AHCY: variants seen among roughly 807,000 people sequenced by gnomAD.
AHCY encodes the protein S-adenosyl-L-homocysteine hydrolase.
A neutral mutation model predicts 45.4 loss-of-function variants in AHCY; 24 were observed. The ratio of observed to expected loss-of-function variants is 0.53; its 90% confidence interval spans 0.38 to 0.74. The LOEUF (loss-of-function observed/expected upper bound fraction) is 0.74. Ranked by LOEUF, AHCY falls within the 30% of genes least tolerant of loss-of-function variation. AHCY has a pLI of 0.00. For synonymous variants in AHCY, 245 were observed against 235.1 expected (o/e 1.04, Z -0.39); for missense variants, 449 against 594.1 (o/e 0.76, Z 2.54).
chr20:34,268,920 C>T, the AHCY span: 1 of 1,526,950 alleles, frequency 6.5e-7, no homozygotes, highest in East Asian at 2.5e-5. Flanking sequence ...GCCCGAGGAG[C>T]TCCCAGGCAG....
chr20:34,270,682 C>T, the AHCY span, among the ~76,000 whole-genome samples: 1 of 152,180 alleles, frequency 6.6e-6, no homozygotes, highest in East Asian at 1.9e-4. Flanking sequence ...TAGTGTGTGC[C>T]AGGTGCTGTG....
the AHCY span, among the ~76,000 whole-genome samples, chr20:34,244,908 A>G: frequency 5.3e-5 from 8 of 152,240 alleles, no homozygotes; most frequent in African/African-American, 1.9e-4. Flanking sequence ...TCAATGAAGC[A>G]AGGAGACGTA....
At chr20:34,245,131 C>T in the AHCY span, among the ~76,000 whole-genome samples, 4 of 151,722 alleles carry the variant, frequency 2.6e-5, no homozygotes, top group African/African-American at 9.7e-5. Context: ...GTCAGGAGTT[C>T]GAGACCAGCC....
chr20:34,243,942 GTAGTCCCA>G, the AHCY span, among the ~76,000 whole-genome samples: 1 of 152,106 alleles, frequency 6.6e-6, no homozygotes, highest in Non-Finnish European at 1.5e-5. Flanking sequence ...GCGGGCGCCT[GTAGTCCCA>G]GCTACTCAGG....
chr20:34,291,441 T>C lies in AHCY; in HGVS notation c.536A>G (p.Asn179Ser). Residue 179 changes from asparagine (N) to serine (S), a missense_variant, in exon 5 of 10, where the codon AAT (asparagine) becomes AGT (serine). Coordinates refer to ENST00000217426, the MANE Select transcript of AHCY (RefSeq NM_000687.4). ...CACCTTGGTGACGGAGTCATTGACATTGATGGCAGGCACCTTGAGGATCCC... is the reference window on the plus strand; with the variant it reads ...CACCTTGGTGACGGAGTCATTGACACTGATGGCAGGCACCTTGAGGATCCC... ...ANGILKVPAINVNDSVTKSKF... is the reference protein window; with the variant it reads ...ANGILKVPAISVNDSVTKSKF... 6.2e-7 allele frequency: 1 copy of C among 1,614,118 alleles called. No homozygotes were observed. Among genetic ancestry groups the C allele is most frequent in the Non-Finnish European group, 8.5e-7 (1 of 1,180,014 alleles).
At chr20:34,235,766 C>T in the AHCY span, among the ~76,000 whole-genome samples, 2 of 140,488 alleles carry the variant, frequency 1.4e-5, no homozygotes, top group East Asian at 4.2e-4. Context: ...GCCTGTGTGA[C>T]AGAGTGAGAC....
At position 34,292,372 on chromosome 20, in the gene AHCY, G is replaced by A. The variant is rs556286156; in HGVS notation, c.431C>T (p.Pro144Leu). 32 of 1,613,328 alleles carry A rather than the reference G, an allele frequency of 2.0e-5. No homozygotes were observed. The highest frequency in any genetic ancestry group is 3.7e-4 in the Middle Eastern group (2 of 5,422). The part of the protein sequence containing the change: ...DLTNLIHTKY[P>L]QLLPGIRGIS... Reference sequence around the variant, plus strand: ...GCCCTGCTCACCTGGCAGAAGCTGCGGGTACTTGGTGTGGATGAGGTTGGT... The same window carrying A: ...GCCCTGCTCACCTGGCAGAAGCTGCAGGTACTTGGTGTGGATGAGGTTGGT... Residue 144 changes from proline (P) to leucine (L), a missense_variant, in exon 4 of 10, where the codon CCG (proline) becomes CTG (leucine). Pro to Leu is a moderately conservative substitution (Grantham distance 98, BLOSUM62 -3). Coordinates refer to ENST00000217426, the MANE Select transcript of AHCY (RefSeq NM_000687.4).
chr20:34,303,303 G>C lies in AHCY; in HGVS notation c.-33C>G, dbSNP rs986133318. 11 of 1,551,626 alleles carry C rather than the reference G, an allele frequency of 7.1e-6. No individual in the cohort carries two copies. The highest frequency in any genetic ancestry group is 2.7e-5 in the African/African-American group (2 of 73,072). ...GCACTCGTGATGGAAACGGGCGAAG[G>C]GGGCTGGGCCTCAGTCTGGGAACAG... is the stretch of plus-strand genomic sequence containing the variant. On this transcript the variant is annotated 5_prime_UTR_variant, in exon 1 of 10. Coordinates refer to ENST00000217426, the MANE Select transcript of AHCY (RefSeq NM_000687.4).
chr20:34,284,293 G>A, intron 9 of AHCY, among the ~76,000 whole-genome samples: 1 of 152,020 alleles, frequency 6.6e-6, no homozygotes, highest in East Asian at 1.9e-4. Context: ...CCAAGTACCT[G>A]GGACTACAGG....
the AHCY span, chr20:34,260,436 AC>A: frequency 6.2e-7 from 1 of 1,613,920 alleles, no homozygotes; most frequent in African/African-American, 1.3e-5. Flanking sequence ...TTCACTGCCA[AC>A]AGCCACCTGC....
At chr20:34,276,477 T>C (rs886536183), downstream of AHCY, among the ~76,000 whole-genome samples, 2 of 152,104 alleles carry the variant, frequency 1.3e-5, no homozygotes, top group African/African-American at 4.8e-5. Flanking sequence ...TTTCTCTCCC[T>C]GGTAATAGGG....
At chr20:34,241,627 G>A in the AHCY span, 9 of 743,938 alleles carry the variant, frequency 1.2e-5, no homozygotes, top group South Asian at 4.9e-4. Context: ...GTGGGTCAGA[G>A]TAGTTAAGAG....
intron 5 of AHCY, 64 bp downstream of exon 5, chr20:34,291,355 C>G: frequency 6.8e-7 from 1 of 1,467,320 alleles, no homozygotes; most frequent in Middle Eastern, 2.3e-4. Flanking sequence ...GGGCACTCTT[C>G]TTCAGAGGCC....
At chr20:34,245,915 C>G in the AHCY span, 2 of 1,480,346 alleles carry the variant, frequency 1.4e-6, no homozygotes, top group Non-Finnish European at 1.8e-6. Context: ...CATATCAACT[C>G]TCAGTTCAGG....
rs547291287 is a variant in AHCY, at chr20:34,293,941, G to A, written c.295+140C>T. 35 of 837,082 alleles carry A rather than the reference G, an allele frequency of 4.2e-5. No homozygotes were observed. The South Asian group carries it at 4.8e-4, about 11-fold the overall frequency. 51.9% of individuals were successfully genotyped at this position (837,082 alleles called of 1,614,324 possible). On this transcript the variant is annotated intron_variant, in intron 3 of 9. Coordinates refer to ENST00000217426, the MANE Select transcript of AHCY (RefSeq NM_000687.4). ...GGGACAAAGCAGCTCTTTCCTGTGG[G>A]GTCGCTGGGCTAGGATTTTGTGGCG...
the AHCY span, among the ~76,000 whole-genome samples, chr20:34,236,120 A>C: frequency 6.7e-6 from 1 of 148,226 alleles, no homozygotes; most frequent in South Asian, 2.2e-4. Context: ...AAAGGAAAGG[A>C]GTGGAAAGGA....
the AHCY span, among the ~76,000 whole-genome samples, chr20:34,251,526 G>A: frequency 5.9e-5 from 9 of 152,058 alleles, no homozygotes; most frequent in South Asian, 6.2e-4. Flanking sequence ...CGTCCGCCTC[G>A]GCCTCCCAAA....
chr20:34,255,185 T>C, the AHCY span, among the ~76,000 whole-genome samples: 1 of 152,200 alleles, frequency 6.6e-6, no homozygotes, highest in African/African-American at 2.4e-5. Context: ...TCCAGTCCCA[T>C]GGATATTGGC....
Position 34,290,355 on chromosome 20 carries a change from C to A in AHCY, c.949G>T (p.Glu317Ter). ...DVKWLNENAV[E>*]KVNIKPQVDR... ...ACCTGCGGCTTGATGTTCACCTTCTCCACGGCGTTCTCGTTGAGCCACTTG... is the reference window on the plus strand; with the variant it reads ...ACCTGCGGCTTGATGTTCACCTTCTACACGGCGTTCTCGTTGAGCCACTTG... The change falls in exon 8 of 10, where the codon GAG becomes TAG. Residue 317 changes from glutamate (E) to a stop codon, truncating the protein, a stop_gained. Transcript: ENST00000217426. LOFTEE classifies it high-confidence loss of function. This position sits in a 1 kb window ranked among gnomAD's most constrained non-coding sequence, Gnocchi z 4.5. 1.2e-6 allele frequency: 2 copies of A among 1,614,174 alleles called. No homozygotes were observed. The highest frequency in any genetic ancestry group is 1.7e-6 in the Non-Finnish European group (2 of 1,180,044).
Sources: gnomAD v4.1 joint callset for allele counts (sites outside exome capture counted in the v4.1 genomes callset) on GRCh38, gnomAD v4.1.1 for gene constraint, Gnocchi (gnomAD v3.1) non-coding constraint, MANE v1.5 for transcripts, NCBI Gene and HGNC (gene_info 2026-07-23, HGNC 2026-07-21) for gene names.